ARHGAP22: variants seen among roughly 807,000 people sequenced by gnomAD.
The protein encoded by ARHGAP22 is Rho GTPase activating protein 22, also known as rho GTPase-activating protein 22.
ARHGAP22 carries 48 observed loss-of-function variants against 59.1 expected under a neutral mutation model. That is an observed-to-expected ratio of 0.81 (90% CI 0.64 to 1.03). ARHGAP22 has a LOEUF of 1.03. Among genes scored for constraint, ARHGAP22 ranks in the 50% least tolerant of loss-of-function variants. The pLI, the probability that ARHGAP22 is intolerant of heterozygous loss-of-function variation, is 0.00. For synonymous variants in ARHGAP22, 445 were observed against 416.4 expected (o/e 1.07, Z -0.84); for missense variants, 1,015 against 958.7 (o/e 1.06, Z -0.78).
intron 3 of ARHGAP22, among the ~76,000 whole-genome samples, chr10:48,519,809 G>T (rs754526113): frequency 1.3e-5 from 2 of 152,198 alleles, no homozygotes; most frequent in African/African-American, 2.4e-5. Context: ...AGCCTGGGAG[G>T]GGGAGGGGGG....
intron 2 of ARHGAP22, among the ~76,000 whole-genome samples, chr10:48,572,353 C>G (rs1392058523): frequency 2.0e-5 from 3 of 152,202 alleles, no homozygotes; most frequent in Non-Finnish European, 4.4e-5. Flanking sequence ...GACCCCCAAC[C>G]CCTGGTCCAC....
chr10:48,649,244 A>C (rs1456212335), intron 1 of ARHGAP22, among the ~76,000 whole-genome samples: 1 of 152,136 alleles, frequency 6.6e-6, no homozygotes, highest in Admixed American at 6.5e-5. Context: ...CTCAGGACAC[A>C]GTCATGCCCC....
At position 48,454,986 on chromosome 10, in the gene ARHGAP22, C is replaced by T; in HGVS notation, c.792+16G>A. On this transcript the variant is annotated intron_variant, in intron 6 of 9. Transcript: ENST00000249601. ...GCCAGCCCATCTCCCAGGAGCTATC[C>T]CCAGGAGCCACTGACCTCCCCCTCG... The T allele has an allele frequency of 1.3e-6, 2 of 1,580,766 alleles. No individual in the cohort carries two copies. The highest frequency in any genetic ancestry group is 1.7e-6 in the Non-Finnish European group (2 of 1,158,974).
At chr10:48,647,960 C>T (rs866534768) in intron 1 of ARHGAP22, among the ~76,000 whole-genome samples, 5 of 152,072 alleles carry the variant, frequency 3.3e-5, no homozygotes, top group Admixed American at 6.5e-5. Context: ...TTTATGCTTC[C>T]GTTTATAGAA....
At chr10:48,532,878 G>A (rs1033581343) in intron 3 of ARHGAP22, 6 of 152,154 alleles carry the variant, frequency 3.9e-5, no homozygotes, top group Non-Finnish European at 7.3e-5. Flanking sequence ...AATCTCTTGA[G>A]GGCCTACTTT....
At chr10:48,582,604 TC>T (rs2059184712) in intron 2 of ARHGAP22, 1 of 308,530 alleles carries the variant, frequency 3.2e-6, no homozygotes, top group African/African-American at 2.2e-5. Flanking sequence ...TGACCCATTT[TC>T]CTGCAAGATA....
intron 3 of ARHGAP22, among the ~76,000 whole-genome samples, chr10:48,536,768 A>G (rs754714486): frequency 1.1e-4 from 16 of 152,200 alleles, no homozygotes; most frequent in Non-Finnish European, 4.4e-5. Flanking sequence ...CTGAAGCCTC[A>G]GCTTCTGTTG....
intron 3 of ARHGAP22, among the ~76,000 whole-genome samples, chr10:48,519,335 C>G (rs2053590787): frequency 6.6e-6 from 1 of 152,238 alleles, no homozygotes; most frequent in South Asian, 2.1e-4. Context: ...GCTGGGCACC[C>G]CAGTGAGCCC....
Position 48,446,240 on chromosome 10 carries a change from A to AAGTCCCCAC in ARHGAP22, c.*142_*150dup, listed in dbSNP as rs149234069. ...CCACCTGGAGTGTGTGGGGTCCCAAAAGTCCCCACAGTCCCCACAGAGGTA... is the reference window on the plus strand; with the variant it reads ...CCACCTGGAGTGTGTGGGGTCCCAAAAGTCCCCACAGTCCCCACAGTCCCCACAGAGGTA... On this transcript the variant is annotated 3_prime_UTR_variant, in exon 10 of 10. Coordinates refer to ENST00000249601, the MANE Select transcript of ARHGAP22 (RefSeq NM_021226.4). 3 of 791,398 alleles carry AAGTCCCCAC rather than the reference A, an allele frequency of 3.8e-6. No homozygotes were observed. Among genetic ancestry groups the AAGTCCCCAC allele is most frequent in the Non-Finnish European group, 6.0e-6 (3 of 503,952 alleles). The allele number at this position is 791,398 out of a possible 1,614,324, so 49.0% of individuals were successfully genotyped here. A position where few individuals can be genotyped will look rare whatever the true frequency, so the allele number is the denominator to read the frequency against.
chr10:48,583,144 T>G lies in ARHGAP22; in HGVS notation c.43A>C (p.Lys15Gln). 1 of 1,613,854 alleles carries G rather than the reference T, an allele frequency of 6.2e-7. No homozygotes were observed. The highest frequency in any genetic ancestry group is 8.5e-7 in the Non-Finnish European group (1 of 1,179,902). Residue 15 changes from lysine (K) to glutamine (Q), a missense_variant, in exon 2 of 10, where the codon AAA becomes CAA. Transcript: ENST00000249601. ...CTCTGCTCCCCCATCACTAGGCTTT[T>G]GGAGCGGGCTGAAAGCCAAGGACAC... ...KIRQARRARS[K>Q]SLVMGEQSRS...
At position 48,459,797 on chromosome 10, in the gene ARHGAP22, G is replaced by A. The variant is rs770691738; in HGVS notation, c.546C>T (p.Phe182=). ...APLLVEQCVD[F]IRERGLTEEG... The stretch of plus-strand genomic sequence containing the variant: ...CCTCAGTGAGCCCGCGCTCCCGGAT[G>A]AAGTCCACACACTGCTCCACCAGCA... Residue 182 remains phenylalanine, a synonymous_variant, in exon 5 of 10, where the codon TTC becomes TTT. Transcript: ENST00000249601. The A allele has an allele frequency of 6.2e-7, 1 of 1,613,894 alleles. No individual in the cohort carries two copies. The highest frequency in any genetic ancestry group is 1.1e-5 in the South Asian group (1 of 91,086).
Position 48,555,566 on chromosome 10 carries a change from A to G in ARHGAP22, c.235-16T>C. On this transcript the variant is annotated splice_polypyrimidine_tract_variant and intron_variant, in intron 2 of 9. Coordinates refer to ENST00000249601, the MANE Select transcript of ARHGAP22 (RefSeq NM_021226.4). The stretch of plus-strand genomic sequence containing the variant: ...AAATAAATCCCTAAAAAGGAGGCAA[A>G]CACAAACACAGGGAGCATGAGATGA... 1 of 1,610,626 alleles carries G rather than the reference A, an allele frequency of 6.2e-7. No homozygotes were observed. Among genetic ancestry groups the G allele is most frequent in the Non-Finnish European group, 8.5e-7 (1 of 1,176,824 alleles).
intron 1 of ARHGAP22, among the ~76,000 whole-genome samples, chr10:48,594,736 A>G (rs907923376): frequency 2.2e-4 from 34 of 152,022 alleles, no homozygotes; most frequent in African/African-American, 7.0e-4. Flanking sequence ...CCAACTTAGG[A>G]GCTTAAAAAC....
At chr10:48,570,377 T>C (rs1838577) in intron 2 of ARHGAP22, among the ~76,000 whole-genome samples, 10,170 of 152,250 alleles carry the variant, frequency 0.067, 349 homozygotes, top group African/African-American at 0.11. Flanking sequence ...GAAATATCTG[T>C]TGTTGAATTT....
rs550889825 is a variant in ARHGAP22, at chr10:48,446,687, A to T, written c.1869-68T>A. On this transcript the variant is annotated intron_variant, in intron 9 of 9. Coordinates refer to ENST00000249601, the MANE Select transcript of ARHGAP22 (RefSeq NM_021226.4). ...AGGTTCACTGTCCCATGGGTATACCATGCTTGTGCTCACTGTGGGTTGAGG... is the reference window on the plus strand; with the variant it reads ...AGGTTCACTGTCCCATGGGTATACCTTGCTTGTGCTCACTGTGGGTTGAGG... 4.8e-5 allele frequency: 71 copies of T among 1,477,724 alleles called. No individual in the cohort carries two copies. The African/African-American group carries it at 8.4e-4, about 17-fold the overall frequency. 91.5% of individuals were successfully genotyped at this position (1,477,724 alleles called of 1,614,324 possible).
intron 1 of ARHGAP22, among the ~76,000 whole-genome samples, chr10:48,643,574 A>C (rs149695049): frequency 3.4e-5 from 5 of 148,254 alleles, no homozygotes; most frequent in Admixed American, 1.3e-4. Context: ...GGACACACGA[A>C]GGGGAACATC....
chr10:48,530,236 CAAAAAAAA>C (rs60902650), intron 3 of ARHGAP22, among the ~76,000 whole-genome samples: 17 of 49,040 alleles, frequency 3.5e-4, no homozygotes, highest in Non-Finnish European at 5.0e-4. Flanking sequence ...GACTCCATTG[CAAAAAAAA>C]AAAAAAAAAA....
At chr10:48,653,980 C>G (rs961948914), upstream of ARHGAP22, among the ~76,000 whole-genome samples, 1 of 152,282 alleles carries the variant, frequency 6.6e-6, no homozygotes, top group East Asian at 1.9e-4. Context: ...AACTGGGTAT[C>G]CTGTATTTTA....
chr10:48,596,537 G>A (rs1372502652), intron 1 of ARHGAP22, among the ~76,000 whole-genome samples: 1 of 152,200 alleles, frequency 6.6e-6, no homozygotes, highest in Non-Finnish European at 1.5e-5. Context: ...ACGGGAACAG[G>A]AAGATGCAGA....
Sources: gnomAD v4.1 joint callset for allele counts (sites outside exome capture counted in the v4.1 genomes callset) on GRCh38, gnomAD v4.1.1 for gene constraint, MANE v1.5 for transcripts, NCBI Gene and HGNC (gene_info 2026-07-23, HGNC 2026-07-21) for gene names.